KLC1: variants seen among roughly 807,000 people sequenced by gnomAD.
KLC1 encodes the protein kinesin light chain 1, also known as kinesin 2 60/70kDa.
In KLC1, 30 loss-of-function variants were observed where a neutral mutation model predicts 84.2. That is an observed-to-expected ratio of 0.36 (90% CI 0.27 to 0.48). The LOEUF (loss-of-function observed/expected upper bound fraction) is 0.48, where lower values mean the gene tolerates loss of function less well. Ranked by LOEUF, KLC1 falls within the 20% of genes least tolerant of loss-of-function variation. The pLI, the probability that KLC1 is intolerant of heterozygous loss-of-function variation, is 0.99. For synonymous variants in KLC1, 289 were observed against 293.3 expected (o/e 0.99, Z 0.15); for missense variants, 499 against 805.4 (o/e 0.62, Z 4.60).
chr14:103,671,512 G>A (rs1466535049), intron 7 of KLC1, among the ~76,000 whole-genome samples: 2 of 152,052 alleles, frequency 1.3e-5, no homozygotes, highest in Admixed American at 1.3e-4. Context: ...TGGGATTACA[G>A]GCATGTGCCA....
At chr14:103,663,669 TTTC>T (rs1419691291) in intron 5 of KLC1, among the ~76,000 whole-genome samples, 25 of 152,240 alleles carry the variant, frequency 1.6e-4, no homozygotes, top group African/African-American at 6.0e-4. Context: ...CCCCGAACCC[TTTC>T]ACCCCTGTTG....
At chr14:103,669,749 G>A (rs1748407594) in intron 6 of KLC1, 151 bp downstream of exon 6, 2 of 609,358 alleles carry the variant, frequency 3.3e-6, no homozygotes, top group South Asian at 4.0e-5. Flanking sequence ...CACTTACTCA[G>A]TGCTAGTGAC....
Position 103,699,800 on chromosome 14 carries a change from C to T in KLC1, c.1849-855C>T, listed in dbSNP as rs568795079. 1.5e-5 allele frequency: 9 copies of T among 591,344 alleles called. No individual in the cohort carries two copies. The South Asian group carries it at 1.7e-4, about 11-fold the overall frequency. The allele number at this position is 591,344 out of a possible 1,614,324, so 36.6% of individuals were successfully genotyped here. On this transcript the variant is annotated intron_variant, in intron 15 of 16. Coordinates refer to ENST00000334553, the MANE Select transcript of KLC1 (RefSeq NM_001394837.1). ...GCTCACACAACTGGTTCCCTTGGCC[C>T]CATGTCCTTCCTCTGGCCCCCCCAG...
At chr14:103,674,259 T>G (rs890108429) in intron 9 of KLC1, among the ~76,000 whole-genome samples, 1 of 152,188 alleles carries the variant, frequency 6.6e-6, no homozygotes, top group Non-Finnish European at 1.5e-5. Context: ...TTTCTTTACA[T>G]TTTTAGTGTG....
At position 103,694,220 on chromosome 14, in the gene KLC1, C is replaced by T; in HGVS notation, c.1848+1795C>T. 1.0e-6 allele frequency: 1 copy of T among 984,796 alleles called. No individual in the cohort carries two copies. The highest frequency in any genetic ancestry group is 1.7e-5 in the African/African-American group (1 of 57,156). The allele number at this position is 984,796 out of a possible 1,614,324, so 61.0% of individuals were successfully genotyped here. On this transcript the variant is annotated intron_variant, in intron 15 of 16. Coordinates refer to ENST00000334553, the MANE Select transcript of KLC1 (RefSeq NM_001394837.1). This position sits in a 1 kb window ranked among gnomAD's most constrained non-coding sequence, Gnocchi z 4.5. ...AGCTGTGTTCTCCCGGACGCCCCTG[C>T]ACACGAAGCCCATAGAGACGTGTGT...
chr14:103,656,451 G>A (rs1403030910), intron 2 of KLC1, among the ~76,000 whole-genome samples: 1 of 152,216 alleles, frequency 6.6e-6, no homozygotes, highest in South Asian at 2.1e-4. Context: ...GGCTCTGTCA[G>A]CATATCTTAG....
chr14:103,699,094 AC>A (rs771174982), intron 15 of KLC1: 2 of 1,566,632 alleles, frequency 1.3e-6, no homozygotes, highest in East Asian at 2.4e-5. Flanking sequence ...TGCCCCTGGC[AC>A]CTGCACAGAG....
At chr14:103,685,181 G>C (rs537140302) in intron 13 of KLC1, 2 of 1,443,704 alleles carry the variant, frequency 1.4e-6, no homozygotes, top group Non-Finnish European at 1.8e-6. Context: ...TTTAAAATGG[G>C]CTGTAGACTT....
rs1325511954 is a variant in KLC1 at position 103,693,663 on chromosome 14, C to CCCGCCCTGCCACGCCCCTCA, written c.1848+1249_1848+1268dup. ...ACCTGTCTTGGGAGTGTGAGACCGC[C>CCCGCCCTGCCACGCCCCTCA]CCGCCCTGCCACGCCCCTCACCGCC... On this transcript the variant is annotated intron_variant, in intron 15 of 16. Coordinates refer to ENST00000334553, the MANE Select transcript of KLC1 (RefSeq NM_001394837.1). The surrounding 1 kb of genome is among the most constrained non-coding windows in gnomAD (Gnocchi z 5.1). The CCCGCCCTGCCACGCCCCTCA allele has an allele frequency of 2.1e-5, 32 of 1,530,508 alleles. No homozygotes were observed. Among genetic ancestry groups the CCCGCCCTGCCACGCCCCTCA allele is most frequent in the Admixed American group, 5.9e-5 (3 of 50,756 alleles). The allele number at this position is 1,530,508 out of a possible 1,614,324, so 94.8% of individuals were successfully genotyped here.
At chr14:103,675,257 G>A (rs561270065) in intron 9 of KLC1, among the ~76,000 whole-genome samples, 4 of 152,124 alleles carry the variant, frequency 2.6e-5, no homozygotes, top group Non-Finnish European at 5.9e-5. Flanking sequence ...CCCAGGAGCT[G>A]GAGGTTGCAG....
At chr14:103,646,654 T>G (rs2077958290) in intron 1 of KLC1, among the ~76,000 whole-genome samples, 1 of 152,070 alleles carries the variant, frequency 6.6e-6, no homozygotes, top group Non-Finnish European at 1.5e-5. Context: ...TTTTTTCTTT[T>G]TGAAAAGATG....
intron 14 of KLC1, among the ~76,000 whole-genome samples, chr14:103,690,313 G>C (rs2082022396): frequency 6.6e-6 from 1 of 152,208 alleles, no homozygotes; most frequent in African/African-American, 2.4e-5. Flanking sequence ...ACCTGTTTGG[G>C]ACTCCAGCAA....
intron 9 of KLC1, 151 bp downstream of exon 9, chr14:103,673,582 T>G: frequency 3.4e-6 from 2 of 581,036 alleles, no homozygotes; most frequent in East Asian, 6.4e-5. Context: ...CACTTCACTT[T>G]CACAGCAGTC....
In KLC1 at chr14:103,701,184, T is replaced by C. The variant is rs527751359; in HGVS notation, c.*2-17T>C. The C allele has an allele frequency of 8.4e-6, 13 of 1,550,542 alleles. No homozygotes were observed. The highest frequency in any genetic ancestry group is 1.1e-5 in the Non-Finnish European group (13 of 1,146,260). On this transcript the variant is annotated splice_polypyrimidine_tract_variant and intron_variant, in intron 16 of 16. Transcript: ENST00000334553. ...GGTTTTGGCGGCCCAGCCCTGACCT[T>C]CTATCTTCTCTTGCAGTGACCCCGA... is the stretch of plus-strand genomic sequence containing the variant.
At chr14:103,691,308 A>G (rs2082096229) in intron 14 of KLC1, among the ~76,000 whole-genome samples, 2 of 150,554 alleles carry the variant, frequency 1.3e-5, no homozygotes, top group African/African-American at 4.9e-5. Context: ...ACAGGTGTGT[A>G]CCACCACGCC....
chr14:103,662,245 C>G (rs1451409088), intron 4 of KLC1, 51 bp downstream of exon 4: 1 of 1,392,794 alleles, frequency 7.2e-7, no homozygotes, highest in African/African-American at 1.4e-5. Flanking sequence ...GAGAGGTGTT[C>G]CTCCTAGAAC....
At chr14:103,677,320 A>G in intron 11 of KLC1, 95 bp from the exon 12 acceptor site, 1 of 783,038 alleles carries the variant, frequency 1.3e-6, no homozygotes, top group East Asian at 2.5e-5. Context: ...TCAAGCCAAA[A>G]CAGAAGTCTG....
chr14:103,651,429 T>G (rs2078433591), intron 1 of KLC1, among the ~76,000 whole-genome samples: 1 of 152,156 alleles, frequency 6.6e-6, no homozygotes, highest in African/African-American at 2.4e-5. Flanking sequence ...GGAATTCATG[T>G]TAGTATATAG....
Position 103,694,179 on chromosome 14 carries a change from C to G in KLC1, c.1848+1754C>G, listed in dbSNP as rs866514020. The G allele has an allele frequency of 5.1e-6, 5 of 985,888 alleles. 1 individual carries two copies. In the South Asian group the frequency reaches 1.9e-4, roughly 37 times the overall value. The allele number at this position is 985,888 out of a possible 1,614,324, so 61.1% of individuals were successfully genotyped here. ...GTCCCCATGCCTGTGGCCCTGGGGC[C>G]CCATGCCCCCTTTTGAGCTGTGTTC... is the stretch of plus-strand genomic sequence containing the variant. On this transcript the variant is annotated intron_variant, in intron 15 of 16. Coordinates refer to ENST00000334553, the MANE Select transcript of KLC1 (RefSeq NM_001394837.1). This position sits in a 1 kb window ranked among gnomAD's most constrained non-coding sequence, Gnocchi z 4.5.
Sources: gnomAD v4.1 joint callset for allele counts (sites outside exome capture counted in the v4.1 genomes callset) on GRCh38, gnomAD v4.1.1 for gene constraint, Gnocchi (gnomAD v3.1) non-coding constraint, MANE v1.5 for transcripts, NCBI Gene and HGNC (gene_info 2026-07-23, HGNC 2026-07-21) for gene names.